Variants in ANKRD18B observed in about 807,000 individuals in gnomAD.
ANKRD18B encodes ankyrin repeat domain-containing protein 18B.
A neutral mutation model predicts 111.8 loss-of-function variants in ANKRD18B; 75 were observed. The ratio of observed to expected loss-of-function variants is 0.67; its 90% CI spans 0.56 to 0.81. The LOEUF (loss-of-function observed/expected upper bound fraction) is 0.81, where lower values mean the gene tolerates loss of function less well. Ranked by LOEUF, ANKRD18B falls within the 40% of genes least tolerant of loss-of-function variation. The pLI is 0.00. For synonymous variants in ANKRD18B, 356 were observed against 417.3 expected (o/e 0.85, Z 1.79); for missense variants, 1,038 against 1,225.5 (o/e 0.85, Z 2.28).
chr9:33,536,178 G>C (rs1354318558), intron 5 of ANKRD18B, among the ~76,000 whole-genome samples: 1 of 125,824 alleles, frequency 7.9e-6, no homozygotes, highest in African/African-American at 2.9e-5. Context: ...GATGAGCTCA[G>C]TAACAGGGGA....
At chr9:33,527,077 CT>C (rs1828034960) in intron 1 of ANKRD18B, among the ~76,000 whole-genome samples, 1 of 152,146 alleles carries the variant, frequency 6.6e-6, no homozygotes, top group Non-Finnish European at 1.5e-5. Context: ...AATAGTAGGA[CT>C]TAATCTCATT....
rs1249075702 is a variant in ANKRD18B, at chr9:33,524,656, G to A, written c.167G>A (p.Arg56His). The A allele has an allele frequency of 1.3e-6, 2 of 1,551,142 alleles. 1 individual carries two copies. The highest frequency in any genetic ancestry group is 3.9e-5 in the Admixed American group (2 of 50,990). The change falls in exon 1 of 19, where the codon CGC (arginine) becomes CAC (histidine). Residue 56 changes from arginine (R) to histidine (H), a missense_variant. Physicochemically the swap from Arg to His is conservative, Grantham distance 29. Transcript: ENST00000684830. ...DAAEVEHCLT[R>H]RFRDLDVRDR... ...GCAGAGGTGGAGCACTGCCTGACGCGCAGGTTCCGGGACTTGGACGTCCGC... is the reference window on the plus strand; with the variant it reads ...GCAGAGGTGGAGCACTGCCTGACGCACAGGTTCCGGGACTTGGACGTCCGC...
chr9:33,558,176 C>G lies in ANKRD18B; in HGVS notation c.2449C>G (p.Leu817Val). 6.2e-7 allele frequency: 1 copy of G among 1,608,190 alleles called. No homozygotes were observed. Among genetic ancestry groups the G allele is most frequent in the Non-Finnish European group, 8.5e-7 (1 of 1,178,220 alleles). Residue 817 changes from leucine to valine, a missense_variant, in exon 14 of 19, where the codon CTA becomes GTA. Physicochemically the swap from Leu to Val is conservative, Grantham distance 32. This residue lies in a region of ANKRD18B where 524 missense variants were observed against 677.9 expected (regional missense o/e 0.77). Coordinates refer to ENST00000684830, the MANE Select transcript of ANKRD18B (RefSeq NM_001393611.1). ...QLKMDILFKKLKQKFDDLMAE... is the reference protein window; with the variant it reads ...QLKMDILFKKVKQKFDDLMAE... ...GAAAATGGATATTCTGTTTAAGAAG[C>G]TAAAACAGAAGGTAATTTAAAAAAT...
rs34380811 is a variant in ANKRD18B at position 33,542,377 on chromosome 9, C to CTTT, written c.1079-796_1079-794dup. ...CACATAGAATTTTGAGCCTTTTTTCCTTTTTTTTTTTTTTCTGTTTTTGGA... is the reference window on the plus strand; with the variant it reads ...CACATAGAATTTTGAGCCTTTTTTCCTTTTTTTTTTTTTTTTTCTGTTTTTGGA... On this transcript the variant is annotated intron_variant, in intron 9 of 18. Coordinates refer to ENST00000684830, the MANE Select transcript of ANKRD18B (RefSeq NM_001393611.1). Among the ~76,000 whole-genome samples, 94 of 137,326 alleles carry CTTT rather than the reference C, an allele frequency of 6.8e-4. 2 individuals carry two copies. The highest frequency in any genetic ancestry group is 1.1e-3 in the East Asian group (5 of 4,744). 90.1% of individuals were successfully genotyped at this position (137,326 alleles called of 152,430 possible). A position where few individuals can be genotyped will look rare whatever the true frequency, so the allele number is the denominator to read the frequency against.
In ANKRD18B at chr9:33,567,185, A is replaced by C. The variant is rs1219628476; in HGVS notation, c.2825A>C (p.Lys942Thr). 5 of 1,550,180 alleles carry C rather than the reference A, an allele frequency of 3.2e-6. No individual in the cohort carries two copies. The Admixed American group carries it at 9.8e-5, about 30-fold the overall frequency. ...CTAAAAAAGAAGGAACTCACACTTA[A>C]AGATGTGGAATGTAAATTCTCCAAA... ...ASLKKKELTL[K>T]DVECKFSKMK... is the part of the protein sequence containing the mutation. Residue 942 changes from lysine to threonine, a missense_variant, in exon 16 of 19, where the codon AAA becomes ACA. This residue lies in a region of ANKRD18B where 524 missense variants were observed against 677.9 expected (regional missense o/e 0.77). Coordinates refer to ENST00000684830, the MANE Select transcript of ANKRD18B (RefSeq NM_001393611.1).
intron 14 of ANKRD18B, among the ~76,000 whole-genome samples, chr9:33,561,077 A>G (rs1433780914): frequency 2.0e-5 from 3 of 152,238 alleles, no homozygotes; most frequent in South Asian, 2.1e-4. Flanking sequence ...TGGGTCATAC[A>G]GTAACTTCAT....
At chr9:33,557,793 AAAAC>A (rs1223203009) in intron 13 of ANKRD18B, among the ~76,000 whole-genome samples, 2 of 151,766 alleles carry the variant, frequency 1.3e-5, no homozygotes, top group South Asian at 2.1e-4. Context: ...CATCTCAAAA[AAAAC>A]AAACAAAACA....
At chr9:33,550,204 G>A (rs12379584) in intron 11 of ANKRD18B, among the ~76,000 whole-genome samples, 37,783 of 151,842 alleles carry the variant, frequency 0.25, 5,258 homozygotes, top group Non-Finnish European at 0.31. Context: ...AATGAATAGC[G>A]GGCTGGATCA....
intron 17 of ANKRD18B, 140 bp downstream of exon 17, chr9:33,569,033 G>A (rs1033217135): frequency 5.9e-5 from 46 of 775,106 alleles, no homozygotes; most frequent in Middle Eastern, 8.3e-4. Context: ...ACACAGAAAG[G>A]AAATGGAAAC....
intron 3 of ANKRD18B, among the ~76,000 whole-genome samples, chr9:33,529,599 C>T (rs374801892): frequency 2.7e-3 from 403 of 152,012 alleles, no homozygotes; most frequent in Non-Finnish European, 4.2e-3. Flanking sequence ...AGGTTTAAGA[C>T]GGAAAAATAG....
At chr9:33,535,686 T>C (rs1465549804) in intron 5 of ANKRD18B, among the ~76,000 whole-genome samples, 1 of 147,230 alleles carries the variant, frequency 6.8e-6, no homozygotes, top group Non-Finnish European at 1.5e-5. Flanking sequence ...AATTATTGTA[T>C]ATTATATGTA....
chr9:33,557,404 G>A (rs906091309), intron 13 of ANKRD18B, among the ~76,000 whole-genome samples: 8 of 151,832 alleles, frequency 5.3e-5, no homozygotes, highest in Non-Finnish European at 8.8e-5. Context: ...TAAAGTCTTG[G>A]TTACTCATCT....
At chr9:33,559,577 A>G (rs1243302310) in intron 14 of ANKRD18B, among the ~76,000 whole-genome samples, 1 of 152,198 alleles carries the variant, frequency 6.6e-6, no homozygotes, top group African/African-American at 2.4e-5. Flanking sequence ...GCTCCTCAAT[A>G]TAAATCTCTC....
At chr9:33,561,683 A>T (rs138782050) in intron 14 of ANKRD18B, among the ~76,000 whole-genome samples, 4 of 152,200 alleles carry the variant, frequency 2.6e-5, no homozygotes, top group African/African-American at 9.6e-5. Flanking sequence ...TAATTTTTAA[A>T]TATGGTATTA....
At chr9:33,539,950 G>A (rs1425308571) in intron 7 of ANKRD18B, 128 bp from the exon 8 acceptor site, 4 of 150,224 alleles carry the variant, frequency 2.7e-5, no homozygotes, top group African/African-American at 9.8e-5. Flanking sequence ...CAAACACCAT[G>A]TTCTCACAAG....
Position 33,524,251 on chromosome 9 carries a change from A to C in ANKRD18B, c.-239A>C. 2.0e-6 allele frequency: 2 copies of C among 1,002,842 alleles called. No individual in the cohort carries two copies. The highest frequency in any genetic ancestry group is 4.4e-5 in the East Asian group (1 of 22,774). The allele number at this position is 1,002,842 out of a possible 1,614,324, so 62.1% of individuals were successfully genotyped here. ...CTGTAGGCGCGCGCCTAACCGCTTTACTGGGCTCACTCTATCGAGAGGTCG... is the reference window on the plus strand; with the variant it reads ...CTGTAGGCGCGCGCCTAACCGCTTTCCTGGGCTCACTCTATCGAGAGGTCG... On this transcript the variant is annotated 5_prime_UTR_variant, in exon 1 of 19. Transcript: ENST00000684830.
chr9:33,538,675 G>A (rs969793058), intron 6 of ANKRD18B, among the ~76,000 whole-genome samples: 2 of 151,996 alleles, frequency 1.3e-5, no homozygotes, highest in Non-Finnish European at 2.9e-5. Context: ...GGTGGAGATT[G>A]CAGTGAACCG....
rs527830680 is a variant in ANKRD18B, at chr9:33,566,572, A to T, written c.2742+72A>T. On this transcript the variant is annotated intron_variant, in intron 15 of 18. Transcript: ENST00000684830. ...TATTTCACTGCAAACTGTATTTTGG[A>T]TGTGTATATATTGTGTTTCCTCTGC... 6 of 1,531,558 alleles carry T rather than the reference A, an allele frequency of 3.9e-6. No homozygotes were observed. The Admixed American group carries it at 6.2e-5, about 16-fold the overall frequency. The allele number at this position is 1,531,558 out of a possible 1,614,324, so 94.9% of individuals were successfully genotyped here. A position where few individuals can be genotyped will look rare whatever the true frequency, so the allele number is the denominator to read the frequency against.
intron 3 of ANKRD18B, among the ~76,000 whole-genome samples, chr9:33,532,202 C>G (rs1435114907): frequency 4.6e-5 from 7 of 152,048 alleles, no homozygotes; most frequent in East Asian, 3.9e-4. Flanking sequence ...CCACTGCACT[C>G]CAGCCTGGGC....
Sources: allele counts gnomAD v4.1 joint callset (sites outside exome capture counted in the v4.1 genomes callset), GRCh38; gene constraint gnomAD v4.1.1; regional missense constraint gnomAD v4.1.1; transcripts MANE v1.5; gene names NCBI Gene and HGNC (gene_info 2026-07-23, HGNC 2026-07-21).